ZMYM2: variants seen among roughly 807,000 people sequenced by gnomAD.
ZMYM2 encodes zinc finger MYM-type protein 2.
ZMYM2 carries 56 observed loss-of-function variants against 162.8 expected under a neutral mutation model. The ratio of observed to expected loss-of-function variants is 0.34; its 90% confidence interval spans 0.28 to 0.43. The LOEUF (loss-of-function observed/expected upper bound fraction) is 0.43, where lower values mean the gene tolerates loss of function less well. Among genes scored for constraint, ZMYM2 ranks in the 20% least tolerant of loss-of-function variants. The probability of loss-of-function intolerance (pLI) is 1.00; values close to 1 mark genes in which losing one functional copy is unlikely to be tolerated. For synonymous variants in ZMYM2, 510 were observed against 541.6 expected, an observed-to-expected ratio of 0.94 and a Z score of 0.81; for missense variants, 1,275 against 1,621.8, an observed-to-expected ratio of 0.79 and a Z score of 3.67.
chr13:19,975,533 T>C (rs1432519926), intron 2 of ZMYM2, among the ~76,000 whole-genome samples: 1 of 152,248 alleles, frequency 6.6e-6, no homozygotes, highest in Non-Finnish European at 1.5e-5. Flanking sequence ...AATATTCCCC[T>C]GTGTATGTTT....
At position 20,014,454 on chromosome 13, in the gene ZMYM2, G is replaced by A. The variant is rs146894233; in HGVS notation, c.1513-5093G>A. Among the ~76,000 whole-genome samples the A allele has an allele frequency of 7.4e-3, 1,131 of 152,228 alleles. 12 individuals are homozygous for A. The highest frequency in any genetic ancestry group is 0.017 in the Middle Eastern group (5 of 294). ...TCTTGTGTCAGTTTTGGTGGTTTGT[G>A]TGTTTTTAGGAATTTGTGCATTTCA... On this transcript the variant is annotated intron_variant, in intron 6 of 24. Coordinates refer to ENST00000610343, the MANE Select transcript of ZMYM2 (RefSeq NM_197968.4).
the ZMYM2 span, among the ~76,000 whole-genome samples, chr13:19,930,698 C>T: frequency 2.0e-5 from 3 of 151,110 alleles, no homozygotes; most frequent in Non-Finnish European, 4.4e-5. Flanking sequence ...CGCCACCAGG[C>T]CCTGCTAATT....
intron 7 of ZMYM2, among the ~76,000 whole-genome samples, chr13:20,023,807 T>C (rs1454469453): frequency 6.6e-6 from 1 of 152,268 alleles, no homozygotes; most frequent in Non-Finnish European, 1.5e-5. Context: ...CATAAAATTA[T>C]ATTTCCCTTT....
At chr13:19,924,310 A>G in the ZMYM2 span, among the ~76,000 whole-genome samples, 2 of 152,108 alleles carry the variant, frequency 1.3e-5, no homozygotes, top group African/African-American at 4.8e-5. Flanking sequence ...CACGCCTGTA[A>G]TCCCAGCACG....
chr13:20,019,019 G>T (rs1419082752), intron 6 of ZMYM2, among the ~76,000 whole-genome samples: 1 of 150,298 alleles, frequency 6.7e-6, no homozygotes, highest in Non-Finnish European at 1.5e-5. Flanking sequence ...GGTGGAGGTT[G>T]CAGTGAGCCA....
intron 12 of ZMYM2, among the ~76,000 whole-genome samples, chr13:20,039,473 GTTTTT>G (rs71070289): frequency 2.0e-5 from 2 of 101,238 alleles, no homozygotes; most frequent in African/African-American, 3.3e-5. Context: ...TTTATTGAGA[GTTTTT>G]TTTTTTTTTT....
chr13:19,993,184 C>A lies in ZMYM2; in HGVS notation c.112C>A (p.Pro38Thr). ...LTNVGNSFSG[P>T]ANPLVSRSNK... ...GAATGTAGGAAACTCATTTAGTGGT[C>A]CAGCTAATCCTTTAGTGTCTAGATC... The change falls in exon 3 of 25, where the codon CCA becomes ACA. Residue 38 changes from proline to threonine, a missense_variant. Coordinates refer to ENST00000610343, the MANE Select transcript of ZMYM2 (RefSeq NM_197968.4). 6.2e-7 allele frequency: 1 copy of A among 1,614,078 alleles called. No individual in the cohort carries two copies. The highest frequency in any genetic ancestry group is 8.5e-7 in the Non-Finnish European group (1 of 1,179,996).
chr13:20,059,193 T>C (rs1956043591), intron 15 of ZMYM2, among the ~76,000 whole-genome samples: 1 of 151,978 alleles, frequency 6.6e-6, no homozygotes, highest in South Asian at 2.1e-4. Flanking sequence ...AACTACATAG[T>C]GTTTTTAAAG....
the ZMYM2 span, among the ~76,000 whole-genome samples, chr13:19,923,246 A>C: frequency 6.9e-6 from 1 of 145,670 alleles, no homozygotes; most frequent in African/African-American, 2.5e-5. Context: ...AGTCCCAGCT[A>C]TTCGGGAGGC....
chr13:19,896,305 GGC>G, the ZMYM2 span, among the ~76,000 whole-genome samples: 5 of 151,304 alleles, frequency 3.3e-5, no homozygotes, highest in African/African-American at 4.9e-5. Flanking sequence ...CATCACGCCT[GGC>G]TAATTTTTGT....
chr13:19,980,295 C>G (rs1338784903), intron 2 of ZMYM2, among the ~76,000 whole-genome samples: 2 of 151,774 alleles, frequency 1.3e-5, no homozygotes, highest in African/African-American at 4.8e-5. Context: ...ATTTATATAC[C>G]CTATTGAAAT....
intron 7 of ZMYM2, chr13:20,025,357 A>G: frequency 5.3e-6 from 1 of 189,706 alleles, no homozygotes. Context: ...CAGAGGATCA[A>G]AACAACTTGC....
intron 2 of ZMYM2, among the ~76,000 whole-genome samples, chr13:19,987,620 C>CGTGTGT (rs756005409): frequency 0.17 from 20,539 of 121,220 alleles, 2,268 homozygotes; most frequent in African/African-American, 0.21. Flanking sequence ...GGGGTTTTGT[C>CGTGTGT]GTGTGTGTGT....
At chr13:19,973,326 A>G (rs1262540133) in intron 2 of ZMYM2, among the ~76,000 whole-genome samples, 1 of 152,162 alleles carries the variant, frequency 6.6e-6, no homozygotes, top group Non-Finnish European at 1.5e-5. Flanking sequence ...AGAAATAGGA[A>G]TAACTATAAC....
chr13:19,877,355 CAT>C, the ZMYM2 span, among the ~76,000 whole-genome samples: 6 of 152,124 alleles, frequency 3.9e-5, no homozygotes, highest in African/African-American at 7.2e-5. Context: ...AGGGAGTAGA[CAT>C]GTGTAAAGAG....
chr13:20,071,864 G>T, intron 21 of ZMYM2: 1 of 186,962 alleles, frequency 5.3e-6, no homozygotes, highest in East Asian at 8.8e-5. Context: ...ATCCAGTGCA[G>T]GGTTGCGTTA....
chr13:20,080,740 T>C (rs151132452), intron 21 of ZMYM2, among the ~76,000 whole-genome samples: 8 of 152,310 alleles, frequency 5.3e-5, no homozygotes, highest in South Asian at 4.1e-4. Flanking sequence ...TCTGCTTGGC[T>C]TGGCCTCCCA....
chr13:19,912,292 G>GTTTTTTTTTTTTTTTTTTTTTTGTT, the ZMYM2 span, among the ~76,000 whole-genome samples: 1 of 75,700 alleles, frequency 1.3e-5, no homozygotes, highest in Non-Finnish European at 2.5e-5. Flanking sequence ...TGTTTTTTGG[G>GTTTTTTTTTTTTTTTTTTTTTTGTT]TTTTTTTTTT....
At chr13:19,865,927 C>T in the ZMYM2 span, among the ~76,000 whole-genome samples, 2 of 152,180 alleles carry the variant, frequency 1.3e-5, no homozygotes, top group Non-Finnish European at 2.9e-5. Context: ...CACAAAGGGG[C>T]CAGATAGCCT....
Sources: gnomAD v4.1 joint callset for allele counts (sites outside exome capture counted in the v4.1 genomes callset) on GRCh38, gnomAD v4.1.1 for gene constraint, MANE v1.5 for transcripts, NCBI Gene and HGNC (gene_info 2026-07-23, HGNC 2026-07-21) for gene names.